Variants in PDE11A observed in about 807,000 individuals in gnomAD.
PDE11A encodes the protein phosphodiesterase 11A, also known as dual 3',5'-cyclic-AMP and -GMP phosphodiesterase 11A.
A neutral mutation model predicts 100.5 loss-of-function variants in PDE11A; 100 were observed. That is an observed-to-expected ratio of 1.00 (90% CI 0.85 to 1.18). The LOEUF is 1.18. PDE11A is among the 50% of genes most tolerant of loss of function. The pLI is 0.00. For missense variants in PDE11A, 1,141 were observed against 1,152.6 expected (o/e 0.99, Z 0.15); for synonymous variants, 381 against 420.8 (o/e 0.91, Z 1.16).
intron 2 of PDE11A, among the ~76,000 whole-genome samples, chr2:177,991,528 G>A (rs1426531052): frequency 2.7e-5 from 4 of 149,482 alleles, no homozygotes; most frequent in East Asian, 3.9e-4. Flanking sequence ...CCACCTACTC[G>A]GGAGGCTGAG....
rs1401260603 is a variant in PDE11A, at chr2:177,660,087, CTT to C, written c.2646+3777_2646+3778del. On this transcript the variant is annotated intron_variant, in intron 19 of 19. Transcript: ENST00000286063. ...TCTTTCTTTCTTTCTTTCTTTCTTT[CTT>C]TCTTTCTTTCTCTCTCTCTCTCTTT... Among the ~76,000 whole-genome samples, 181 of 41,108 alleles carry C rather than the reference CTT, an allele frequency of 4.4e-3. 7 individuals carry two copies. Among genetic ancestry groups the C allele is most frequent in the Non-Finnish European group, 5.3e-3 (101 of 19,088 alleles). 27.0% of individuals were successfully genotyped at this position (41,108 alleles called of 152,430 possible).
At chr2:177,827,440 A>G (rs569088649) in intron 6 of PDE11A, among the ~76,000 whole-genome samples, 14 of 152,228 alleles carry the variant, frequency 9.2e-5, no homozygotes, top group Non-Finnish European at 2.1e-4. Flanking sequence ...AATTTCTGAC[A>G]TTCCCTTTGC....
At chr2:177,853,690 G>A (rs2083767691) in intron 5 of PDE11A, among the ~76,000 whole-genome samples, 10 of 31,040 alleles carry the variant, frequency 3.2e-4, no homozygotes, top group Admixed American at 1.7e-3. Flanking sequence ...ATGTGTGTGT[G>A]TGTGTGTGTG....
intron 2 of PDE11A, among the ~76,000 whole-genome samples, chr2:178,002,650 G>A (rs957084096): frequency 1.3e-5 from 2 of 152,072 alleles, no homozygotes; most frequent in Non-Finnish European, 2.9e-5. Context: ...TCATGCTAGT[G>A]TTTATTTTCT....
intron 1 of PDE11A, among the ~76,000 whole-genome samples, chr2:178,054,876 A>G (rs1427068643): frequency 6.6e-6 from 1 of 152,240 alleles, no homozygotes; most frequent in Non-Finnish European, 1.5e-5. Context: ...GTGGAGAAAT[A>G]GGAACATTTT....
intron 2 of PDE11A, among the ~76,000 whole-genome samples, chr2:177,982,895 C>T (rs1237355831): frequency 1.3e-5 from 2 of 150,506 alleles, no homozygotes; most frequent in Admixed American, 1.3e-4. Context: ...GCCTTGTCAA[C>T]ATAGTAAAAC....
At position 178,064,871 on chromosome 2, in the gene PDE11A, T is replaced by G. The variant is rs565608973; in HGVS notation, c.912+6655A>C. 1.7e-4 allele frequency among the ~76,000 whole-genome samples: 26 copies of G among 152,112 alleles called. No homozygotes were observed. In the South Asian group the frequency reaches 5.4e-3, roughly 32 times the overall value. On this transcript the variant is annotated intron_variant, in intron 1 of 19. Coordinates refer to ENST00000286063, the MANE Select transcript of PDE11A (RefSeq NM_016953.4). The stretch of plus-strand genomic sequence containing the variant: ...TTTTTTTTCTTCAGGAAAAAAAGAT[T>G]TTTTCTCCTGAATTTGCGACAGCCT...
chr2:178,056,712 A>C (rs1179276317), intron 1 of PDE11A, among the ~76,000 whole-genome samples: 2 of 152,256 alleles, frequency 1.3e-5, no homozygotes, highest in Non-Finnish European at 2.9e-5. Flanking sequence ...AAGTAAAAAA[A>C]TAATTGTTTT....
chr2:177,705,737 G>A (rs559684889), intron 13 of PDE11A, among the ~76,000 whole-genome samples: 2 of 152,340 alleles, frequency 1.3e-5, no homozygotes, highest in East Asian at 3.9e-4. Flanking sequence ...TTAGGAAATT[G>A]AGAGTTGTTG....
chr2:177,664,019 C>G (rs1336567724), intron 18 of PDE11A, 70 bp from the exon 19 acceptor site: 1 of 923,706 alleles, frequency 1.1e-6, no homozygotes, highest in East Asian at 2.4e-5. Context: ...TTGTCAAACA[C>G]TTTGCTAGAA....
chr2:177,885,142 AGTT>A (rs1233731478), intron 4 of PDE11A, among the ~76,000 whole-genome samples: 1 of 152,058 alleles, frequency 6.6e-6, no homozygotes, highest in African/African-American at 2.4e-5. Flanking sequence ...ATTGATATAC[AGTT>A]ATTAATAAAA....
chr2:177,663,274 G>A (rs2080510365), intron 19 of PDE11A, among the ~76,000 whole-genome samples: 1 of 152,108 alleles, frequency 6.6e-6, no homozygotes. Context: ...AGCACATCTC[G>A]CTCAGAATTC....
intron 2 of PDE11A, among the ~76,000 whole-genome samples, chr2:177,988,398 C>T (rs1297160606): frequency 6.6e-6 from 1 of 152,216 alleles, no homozygotes; most frequent in African/African-American, 2.4e-5. Flanking sequence ...TTCTAAGACA[C>T]TGTAAACAAA....
chr2:177,912,902 G>A (rs1222736091), intron 2 of PDE11A, among the ~76,000 whole-genome samples: 1 of 152,070 alleles, frequency 6.6e-6, no homozygotes, highest in African/African-American at 2.4e-5. Flanking sequence ...CCCATTGTAT[G>A]GTGCAGAAAC....
chr2:178,098,443 G>GA (rs1346810664), intron 2 of PDE11A, among the ~76,000 whole-genome samples: 1 of 152,162 alleles, frequency 6.6e-6, no homozygotes, highest in East Asian at 1.9e-4. Context: ...TCTCAGAGTA[G>GA]AAATAACAAC....
At chr2:178,051,800 C>A (rs1217605895) in intron 1 of PDE11A, among the ~76,000 whole-genome samples, 3 of 152,174 alleles carry the variant, frequency 2.0e-5, no homozygotes, top group African/African-American at 7.2e-5. Flanking sequence ...ATCAATTCAA[C>A]AAGAAGAGCT....
chr2:177,723,830 G>A (rs928034949), intron 12 of PDE11A, among the ~76,000 whole-genome samples: 13 of 151,618 alleles, frequency 8.6e-5, no homozygotes, highest in Non-Finnish European at 2.9e-5. Flanking sequence ...TTATAAAACC[G>A]AAAAAAATGT....
intron 6 of PDE11A, among the ~76,000 whole-genome samples, chr2:177,832,569 C>A (rs1178862609): frequency 6.6e-6 from 1 of 151,766 alleles, no homozygotes. Context: ...ATCTATCTAT[C>A]TATCTATCTA....
chr2:177,665,523 A>G (rs866744587), intron 18 of PDE11A, among the ~76,000 whole-genome samples: 6 of 148,942 alleles, frequency 4.0e-5, no homozygotes, highest in Non-Finnish European at 7.5e-5. Context: ...AAAATAAAAT[A>G]AAAATAAAGA....
Sources: gnomAD v4.1 joint callset for allele counts (sites outside exome capture counted in the v4.1 genomes callset) on GRCh38, gnomAD v4.1.1 for gene constraint, MANE v1.5 for transcripts, NCBI Gene and HGNC (gene_info 2026-07-23, HGNC 2026-07-21) for gene names.